Variants in TTC29 observed in about 807,000 individuals in gnomAD.
TTC29 encodes the protein tetratricopeptide repeat domain 29, also known as tetratricopeptide repeat protein 29.
Under a neutral mutation model 58.1 loss-of-function variants are expected in TTC29, and 49 were observed. The observed-to-expected ratio is 0.84, with a 90% CI of 0.67 to 1.07. The LOEUF (loss-of-function observed/expected upper bound fraction) is 1.07. Ranked by LOEUF, TTC29 falls within the 50% of genes least tolerant of loss-of-function variation. The pLI, the probability that TTC29 is intolerant of heterozygous loss-of-function variation, is 0.00. For synonymous variants in TTC29, 209 were observed against 196.8 expected (o/e 1.06, Z -0.52); for missense variants, 582 against 555.6 (o/e 1.05, Z -0.48).
At chr4:146,791,886 A>G (rs963880643) in intron 11 of TTC29, among the ~76,000 whole-genome samples, 1 of 152,236 alleles carries the variant, frequency 6.6e-6, no homozygotes, top group Non-Finnish European at 1.5e-5. Flanking sequence ...TAAATAAGCC[A>G]CAACATTCTC....
At chr4:146,848,780 A>T (rs958627076) in intron 8 of TTC29, among the ~76,000 whole-genome samples, 6 of 152,160 alleles carry the variant, frequency 3.9e-5, no homozygotes, top group Admixed American at 6.6e-5. Flanking sequence ...GGTTCCACCC[A>T]TTTGGAAGGA....
At chr4:146,859,124 A>G (rs1730063793) in intron 8 of TTC29, among the ~76,000 whole-genome samples, 1 of 152,178 alleles carries the variant, frequency 6.6e-6, no homozygotes, top group Non-Finnish European at 1.5e-5. Flanking sequence ...ATGATAGGGA[A>G]GAGTGAGAAT....
At chr4:146,820,039 G>T (rs1165872827) in intron 10 of TTC29, 86 bp downstream of exon 10, 13 of 1,537,706 alleles carry the variant, frequency 8.5e-6, no homozygotes, top group Non-Finnish European at 1.1e-5. Context: ...GGAAGACAAG[G>T]ATGACATGAG....
chr4:146,842,306 G>T (rs1728900698), intron 8 of TTC29, among the ~76,000 whole-genome samples: 1 of 152,014 alleles, frequency 6.6e-6, no homozygotes, highest in African/African-American at 2.4e-5. Context: ...GTTCAGCCCA[G>T]GCAAAATCTG....
intron 8 of TTC29, among the ~76,000 whole-genome samples, chr4:146,857,526 A>G (rs1212342071): frequency 6.6e-6 from 1 of 152,170 alleles, no homozygotes; most frequent in African/African-American, 2.4e-5. Context: ...CCTCTTTAGC[A>G]TGCCTTAGAA....
chr4:146,897,985 G>T (rs1336332331), intron 6 of TTC29, among the ~76,000 whole-genome samples: 1 of 152,206 alleles, frequency 6.6e-6, no homozygotes, highest in Non-Finnish European at 1.5e-5. Context: ...CTCAATGATA[G>T]AATTTATTGT....
At chr4:146,833,938 C>G in intron 8 of TTC29, 41 bp from the exon 9 acceptor site, 1 of 1,305,426 alleles carries the variant, frequency 7.7e-7, no homozygotes, top group Non-Finnish European at 1.1e-6. Flanking sequence ...ATAGCACAGC[C>G]AGATACGCTG....
At chr4:146,943,806 C>G (rs1174449413) in intron 2 of TTC29, among the ~76,000 whole-genome samples, 1 of 152,106 alleles carries the variant, frequency 6.6e-6, no homozygotes, top group Non-Finnish European at 1.5e-5. Flanking sequence ...TAAAGAAAGC[C>G]TTTTGGTCTT....
intron 4 of TTC29, among the ~76,000 whole-genome samples, chr4:146,931,995 C>T (rs1735370511): frequency 6.6e-6 from 1 of 151,790 alleles, no homozygotes; most frequent in Non-Finnish European, 1.5e-5. Flanking sequence ...TCTGCTTTTT[C>T]TTCTTCTTCC....
chr4:146,823,785 G>A (rs770299483), intron 9 of TTC29, among the ~76,000 whole-genome samples: 11 of 152,046 alleles, frequency 7.2e-5, no homozygotes, highest in Non-Finnish European at 1.6e-4. Flanking sequence ...CTTCAGTAGT[G>A]GTTTGTAGTG....
intron 11 of TTC29, among the ~76,000 whole-genome samples, chr4:146,779,308 A>ATTCC (rs1356155178): frequency 2.6e-5 from 4 of 152,134 alleles, no homozygotes; most frequent in Non-Finnish European, 5.9e-5. Flanking sequence ...TTATAATTTG[A>ATTCC]TTCCTTCCAA....
intron 8 of TTC29, 77 bp from the exon 9 acceptor site, chr4:146,833,974 A>T: frequency 1.0e-6 from 1 of 970,314 alleles, no homozygotes; most frequent in East Asian, 2.8e-5. Context: ...ACAGAAAAAA[A>T]TAAAATTAAT....
At chr4:146,878,145 G>GGT (rs1561213468) in intron 6 of TTC29, among the ~76,000 whole-genome samples, 1 of 152,158 alleles carries the variant, frequency 6.6e-6, no homozygotes, top group African/African-American at 2.4e-5. Flanking sequence ...TCAGGACACT[G>GGT]GTTTCAGCTG....
rs1321794473 is a variant in TTC29 at position 146,727,282 on chromosome 4, C to G, written c.1331-19731G>C. 2.6e-5 allele frequency among the ~76,000 whole-genome samples: 4 copies of G among 152,136 alleles called. No homozygotes were observed. In the South Asian group the frequency reaches 8.3e-4, roughly 32 times the overall value. ...AGAGTTCCCATATACCATGCACAGT[C>G]TCTCCCACTTTGACATCTGGCACGA... On this transcript the variant is annotated intron_variant, in intron 11 of 12. Transcript: ENST00000325106.
intron 4 of TTC29, among the ~76,000 whole-genome samples, chr4:146,910,267 T>C (rs1579964916): frequency 6.6e-6 from 1 of 152,058 alleles, no homozygotes; most frequent in East Asian, 1.9e-4. Context: ...TATTAGTATA[T>C]GCTACCTACA....
intron 4 of TTC29, among the ~76,000 whole-genome samples, chr4:146,933,142 C>T (rs539492947): frequency 1.2e-3 from 176 of 152,148 alleles, no homozygotes; most frequent in African/African-American, 3.8e-3. Context: ...ACAGTCCTAA[C>T]TGCCACTAAG....
chr4:146,871,183 T>C (rs1730904969), intron 7 of TTC29, among the ~76,000 whole-genome samples: 1 of 151,904 alleles, frequency 6.6e-6, no homozygotes, highest in African/African-American at 2.4e-5. Flanking sequence ...GTTCAACATA[T>C]GCTAATCAAT....
At chr4:146,864,605 C>T (rs116243090) in intron 8 of TTC29, among the ~76,000 whole-genome samples, 1 of 152,266 alleles carries the variant, frequency 6.6e-6, no homozygotes, top group Non-Finnish European at 1.5e-5. Context: ...GAAATCAAGG[C>T]ATCAGCAGGG....
intron 11 of TTC29, among the ~76,000 whole-genome samples, chr4:146,791,490 G>C (rs79071590): frequency 2.0e-5 from 3 of 152,148 alleles, no homozygotes; most frequent in Non-Finnish European, 4.4e-5. Flanking sequence ...TGTTGTGTGT[G>C]TTCTGACTGC....
Sources: gnomAD v4.1 joint callset for allele counts (sites outside exome capture counted in the v4.1 genomes callset) on GRCh38, gnomAD v4.1.1 for gene constraint, MANE v1.5 for transcripts, NCBI Gene and HGNC (gene_info 2026-07-23, HGNC 2026-07-21) for gene names.